The following BRME1 variants were observed in gnomAD, a reference collection of about 807,000 sequenced individuals.
BRME1 encodes the protein BRCA2 and MEILB2-associating protein 1.
A neutral mutation model predicts 52.6 loss-of-function variants in BRME1; 31 were observed. The ratio of observed to expected loss-of-function variants is 0.59; its 90% CI spans 0.44 to 0.80. BRME1 has a LOEUF of 0.80. Among genes scored for constraint, BRME1 ranks in the 30% least tolerant of loss-of-function variants. BRME1 has a pLI of 0.00. For synonymous variants in BRME1, 359 were observed against 353.6 expected (o/e 1.02, Z -0.17); for missense variants, 804 against 860.3 (o/e 0.93, Z 0.82).
chr19:13,893,530 G>C, intron 3 of BRME1, among the ~76,000 whole-genome samples: 1 of 130,074 alleles, frequency 7.7e-6, no homozygotes, highest in East Asian at 2.1e-4. Flanking sequence ...ACAAGGTTCT[G>C]TGTCAAAAAC....
intron 2 of BRME1, among the ~76,000 whole-genome samples, chr19:13,900,694 C>CT (rs902205430): frequency 1.7e-4 from 25 of 145,770 alleles, no homozygotes; most frequent in East Asian, 4.0e-4. Flanking sequence ...TGGTTTGTTC[C>CT]TTTTTTTTTT....
intron 2 of BRME1, 33 bp from the exon 3 acceptor site, chr19:13,895,579 G>A: frequency 6.3e-7 from 1 of 1,587,210 alleles, no homozygotes; most frequent in Non-Finnish European, 8.6e-7. Flanking sequence ...TGAAGGGGTG[G>A]GGGATACAGC....
Position 13,904,852 on chromosome 19 carries a change from A to G in BRME1, c.31+10T>C, listed in dbSNP as rs1970561364. 1 of 1,613,660 alleles carries G rather than the reference A, an allele frequency of 6.2e-7. No homozygotes were observed. ...CAGAAATCAACAAGTGTCCATTTGA[A>G]TGAACGTACCTGAGGTCCGCAGCTT... On this transcript the variant is annotated intron_variant, in intron 2 of 8. Coordinates refer to ENST00000586783, the MANE Select transcript of BRME1 (RefSeq NM_001345843.2).
In BRME1 at chr19:13,902,019, C is replaced by A. The variant is rs6511897; in HGVS notation, c.31+2843G>T. On this transcript the variant is annotated intron_variant, in intron 2 of 8. Coordinates refer to ENST00000586783, the MANE Select transcript of BRME1 (RefSeq NM_001345843.2). ...TTGTGCCACTGCTCTCCAGCCTGGG[C>A]GACAAAGCAAGACTCTGTCTCGAAA... 2.7e-5 allele frequency among the ~76,000 whole-genome samples: 4 copies of A among 150,016 alleles called. No homozygotes were observed. The East Asian group carries it at 7.8e-4, about 29-fold the overall frequency.
chr19:13,903,693 T>G (rs1970454018), intron 2 of BRME1, among the ~76,000 whole-genome samples: 1 of 139,954 alleles, frequency 7.1e-6, no homozygotes, highest in African/African-American at 2.8e-5. Context: ...AAAAATAAAG[T>G]CTCCAAACAT....
intron 5 of BRME1, among the ~76,000 whole-genome samples, chr19:13,891,812 C>T (rs2145165120): frequency 6.6e-6 from 1 of 150,958 alleles, no homozygotes; most frequent in East Asian, 2.0e-4. Flanking sequence ...GTGGCTCATG[C>T]CTGTAATCCC....
chr19:13,890,033 C>T lies in BRME1; in HGVS notation c.823G>A (p.Gly275Ser), dbSNP rs201032125. ...GCTGATGCTGGGGTACAGGGGACAC[C>T]GTCTCCCTCCTCCTGGGGCCCTCCA... ...LPGGPQEEGDGVPCTPASAPT... is the reference protein window; with the variant it reads ...LPGGPQEEGDSVPCTPASAPT... The change falls in exon 6 of 9, where the codon GGT becomes AGT. Residue 275 changes from glycine to serine, a missense_variant. By Grantham distance (56) the Gly-to-Ser change is moderately conservative. This residue lies in a region of BRME1 where 552 missense variants were observed against 561.1 expected (regional missense o/e 0.98). Coordinates refer to ENST00000586783, the MANE Select transcript of BRME1 (RefSeq NM_001345843.2). 42 of 1,613,320 alleles carry T rather than the reference C, an allele frequency of 2.6e-5. No homozygotes were observed. Among genetic ancestry groups the T allele is most frequent in the Middle Eastern group, 1.6e-4 (1 of 6,084 alleles).
At position 13,889,369 on chromosome 19, in the gene BRME1, G is replaced by T; in HGVS notation, c.1487C>A (p.Pro496His). The part of the protein sequence containing the change: ...REIADDPLQE[P>H]GAQQGIPDTT... ...GTCTGGAATGCCCTGCTGAGCCCCG[G>T]GCTCCTGGAGAGGGTCGTCTGCTAT... The change falls in exon 6 of 9, where the codon CCC becomes CAC. Residue 496 changes from proline to histidine, a missense_variant. Coordinates refer to ENST00000586783, the MANE Select transcript of BRME1 (RefSeq NM_001345843.2). 6.2e-7 allele frequency: 1 copy of T among 1,614,110 alleles called. No individual in the cohort carries two copies. The highest frequency in any genetic ancestry group is 1.1e-5 in the South Asian group (1 of 91,084).
chr19:13,890,137 A>G lies in BRME1; in HGVS notation c.719T>C (p.Ile240Thr). Reference sequence around the variant, plus strand: ...GTCTGGCTTCTCCCCTTCAGAATCAATGCTTGGTAGGTGTTCCTTTTGGCC... The same window carrying G: ...GTCTGGCTTCTCCCCTTCAGAATCAGTGCTTGGTAGGTGTTCCTTTTGGCC... ...DGGQKEHLPSIDSEGEKPDRG... is the reference protein window; with the variant it reads ...DGGQKEHLPSTDSEGEKPDRG... The change falls in exon 6 of 9, where the codon ATT becomes ACT. Residue 240 changes from isoleucine to threonine, a missense_variant. Physicochemically the swap from Ile to Thr is moderately conservative, Grantham distance 89. Around this residue, in one of 3 missense-constraint regions of BRME1, gnomAD observed 552 missense variants for 561.1 expected, o/e 0.98. Transcript: ENST00000586783. The G allele has an allele frequency of 6.2e-7, 1 of 1,614,018 alleles. No individual in the cohort carries two copies. The highest frequency in any genetic ancestry group is 8.5e-7 in the Non-Finnish European group (1 of 1,179,994).
chr19:13,898,474 G>A (rs1970057787), intron 2 of BRME1, among the ~76,000 whole-genome samples: 1 of 152,062 alleles, frequency 6.6e-6, no homozygotes, highest in Admixed American at 6.6e-5. Context: ...GCTGAGGGTG[G>A]TGGCATGCAC....
intron 4 of BRME1, 51 bp from the exon 5 acceptor site, chr19:13,892,941 A>C (rs1969617627): frequency 6.4e-7 from 1 of 1,564,020 alleles, no homozygotes; most frequent in East Asian, 2.2e-5. Flanking sequence ...GAGAGGAATG[A>C]GGTCTTAGGA....
intron 2 of BRME1, among the ~76,000 whole-genome samples, chr19:13,898,956 A>G (rs577233801): frequency 1.3e-5 from 2 of 149,956 alleles, no homozygotes; most frequent in Admixed American, 6.7e-5. Context: ...GAATAACACT[A>G]TCCAAACCCC....
chr19:13,887,951 G>A (rs1054411319), intron 6 of BRME1, among the ~76,000 whole-genome samples: 5 of 151,750 alleles, frequency 3.3e-5, no homozygotes, highest in Non-Finnish European at 7.4e-5. Flanking sequence ...TCTTGAGAGA[G>A]TCTTGCTCTC....
chr19:13,894,439 C>T (rs769857926), intron 3 of BRME1, among the ~76,000 whole-genome samples: 1 of 152,112 alleles, frequency 6.6e-6, no homozygotes, highest in African/African-American at 2.4e-5. Context: ...GCAGGAGAAT[C>T]GCTTGAACCC....
chr19:13,889,471 C>T lies in BRME1; in HGVS notation c.1385G>A (p.Gly462Asp). Residue 462 changes from glycine (G) to aspartate (D), a missense_variant, in exon 6 of 9, where the codon GGT becomes GAT. Physicochemically the swap from Gly to Asp is moderately conservative, Grantham distance 94 (BLOSUM62 -1). Coordinates refer to ENST00000586783, the MANE Select transcript of BRME1 (RefSeq NM_001345843.2). The part of the protein sequence containing the change: ...PGPAQEEAEL[G>D]GQNLERDLEG... ...GAGGTCTCGTTCGAGGTTCTGGCCA[C>T]CTAACTCGGCTTCCTCTTGAGCAGG... The T allele has an allele frequency of 1.2e-6, 2 of 1,613,974 alleles. No homozygotes were observed. Among genetic ancestry groups the T allele is most frequent in the Non-Finnish European group, 1.7e-6 (2 of 1,180,034 alleles).
At position 13,882,747 on chromosome 19, in the gene BRME1, G is replaced by A; in HGVS notation, c.*55C>T. The stretch of plus-strand genomic sequence containing the variant: ...TAGGACCCCCTGGAGCATCTTGGAG[G>A]AGGTCTGCGGACATGGGGGCTGGGT... On this transcript the variant is annotated 3_prime_UTR_variant, in exon 9 of 9. Transcript: ENST00000586783. The A allele has an allele frequency of 6.2e-7, 1 of 1,604,398 alleles. No individual in the cohort carries two copies. Among genetic ancestry groups the A allele is most frequent in the Non-Finnish European group, 8.5e-7 (1 of 1,176,838 alleles).
chr19:13,902,879 C>T (rs1318769501), intron 2 of BRME1, among the ~76,000 whole-genome samples: 2 of 150,500 alleles, frequency 1.3e-5, no homozygotes, highest in South Asian at 2.1e-4. Flanking sequence ...AAGCCGAGAT[C>T]GCGCCACTGC....
At chr19:13,905,021 T>C (rs533177361) in intron 1 of BRME1, 108 bp from the exon 2 acceptor site, 1 of 876,284 alleles carries the variant, frequency 1.1e-6, no homozygotes, top group Non-Finnish European at 1.9e-6. Context: ...CTCAGCCCAT[T>C]TGGCTGCCCC....
chr19:13,896,879 T>G (rs1227047333), intron 2 of BRME1, among the ~76,000 whole-genome samples: 1 of 151,698 alleles, frequency 6.6e-6, no homozygotes, highest in African/African-American at 2.4e-5. Flanking sequence ...GCTTTTGTTT[T>G]GTTGAGACAG....
Sources: allele counts gnomAD v4.1 joint callset (sites outside exome capture counted in the v4.1 genomes callset), GRCh38; gene constraint gnomAD v4.1.1; regional missense constraint gnomAD v4.1.1; transcripts MANE v1.5; gene names NCBI Gene and HGNC (gene_info 2026-07-23, HGNC 2026-07-21).